GABRG3: variants seen among roughly 807,000 people sequenced by gnomAD.
The protein encoded by GABRG3 is gamma-aminobutyric acid type A receptor subunit gamma3.
Under a neutral mutation model 48.8 loss-of-function variants are expected in GABRG3, and 25 were observed. The observed-to-expected ratio is 0.51, with a 90% confidence interval of 0.37 to 0.72. GABRG3 has a LOEUF of 0.72. Ranked by LOEUF, GABRG3 falls within the 30% of genes least tolerant of loss-of-function variation. The probability of loss-of-function intolerance (pLI) is 0.00; values close to 1 mark genes in which losing one functional copy is unlikely to be tolerated. For missense variants in GABRG3, 394 were observed against 577.9 expected (o/e 0.68, Z 3.26); for synonymous variants, 227 against 217.6 (o/e 1.04, Z -0.38).
At chr15:27,428,640 C>G (rs1465416696) in intron 5 of GABRG3, among the ~76,000 whole-genome samples, 11 of 152,138 alleles carry the variant, frequency 7.2e-5, no homozygotes. Flanking sequence ...GGGGGGTTGT[C>G]CCTCCCAGTT....
At position 27,108,490 on chromosome 15, in the gene GABRG3, G is replaced by T. The variant is rs530494697; in HGVS notation, c.270+81669G>T. Reference sequence around the variant, plus strand: ...ATGGTCTATTAAGATATACATTATGGTCTAGTGCATGGTCTATGCTGCTCA... The same window carrying T: ...ATGGTCTATTAAGATATACATTATGTTCTAGTGCATGGTCTATGCTGCTCA... On this transcript the variant is annotated intron_variant, in intron 3 of 9. Transcript: ENST00000615808. Among the ~76,000 whole-genome samples, 6 of 152,270 alleles carry T rather than the reference G, an allele frequency of 3.9e-5. No homozygotes were observed. In the South Asian group the frequency reaches 1.2e-3, roughly 32 times the overall value.
intron 3 of GABRG3, among the ~76,000 whole-genome samples, chr15:27,250,399 A>ATG (rs1197608460): frequency 6.6e-6 from 1 of 152,192 alleles, no homozygotes; most frequent in African/African-American, 2.4e-5. Context: ...CTAACCAGTC[A>ATG]TGTGTTTTAT....
intron 5 of GABRG3, among the ~76,000 whole-genome samples, chr15:27,349,031 T>C (rs1240387720): frequency 1.3e-5 from 2 of 152,088 alleles, no homozygotes; most frequent in Admixed American, 6.6e-5. Flanking sequence ...TGGTTGTTAT[T>C]AATGGCAGTG....
rs903678765 is a variant in GABRG3 at position 27,457,997 on chromosome 15, A to C, written c.575-22653A>C. ...CCTGTGACCATCTGCTTTTGTCGTG[A>C]ACTCCTTGGACGGTGCAGGAACTAT... On this transcript the variant is annotated intron_variant, in intron 5 of 9. Transcript: ENST00000615808. This position sits in a 1 kb window ranked among gnomAD's most constrained non-coding sequence, Gnocchi z 4.4. 6.6e-6 allele frequency among the ~76,000 whole-genome samples: 1 copy of C among 152,080 alleles called. No homozygotes were observed. Among genetic ancestry groups the C allele is most frequent in the Non-Finnish European group, 1.5e-5 (1 of 67,994 alleles).
intron 3 of GABRG3, among the ~76,000 whole-genome samples, chr15:27,028,154 G>A (rs1896016769): frequency 6.6e-6 from 1 of 152,214 alleles, no homozygotes; most frequent in Non-Finnish European, 1.5e-5. Context: ...GAAGGAGGCC[G>A]AGTGAGTGAC....
chr15:27,353,862 T>C (rs1443107187), intron 5 of GABRG3, among the ~76,000 whole-genome samples: 2 of 152,182 alleles, frequency 1.3e-5, no homozygotes, highest in African/African-American at 4.8e-5. Context: ...GACTCCATTT[T>C]CTCTGAGATG....
At chr15:27,530,126 A>G (rs1263743205) in intron 9 of GABRG3, among the ~76,000 whole-genome samples, 1 of 152,090 alleles carries the variant, frequency 6.6e-6, no homozygotes, top group Non-Finnish European at 1.5e-5. Flanking sequence ...GCAGCCTCTG[A>G]GTAATGAGGG....
At chr15:27,477,116 A>G (rs1454452883) in intron 5 of GABRG3, among the ~76,000 whole-genome samples, 1 of 152,214 alleles carries the variant, frequency 6.6e-6, no homozygotes, top group Non-Finnish European at 1.5e-5. Context: ...TCACATCCAC[A>G]AAAAACTTGC....
At position 26,975,441 on chromosome 15, in the gene GABRG3, TG is replaced by T. The variant is rs1259560432; in HGVS notation, c.54-1557del. Among the ~76,000 whole-genome samples the T allele has an allele frequency of 6.6e-6, 1 of 152,082 alleles. No homozygotes were observed. The highest frequency in any genetic ancestry group is 1.5e-5 in the Non-Finnish European group (1 of 68,012). ...AAGATCAGCCTAGGAAAAACGTAAG[TG>T]GGGAAGTCATTCTTTGAGACATATG... On this transcript the variant is annotated intron_variant, in intron 1 of 9. Transcript: ENST00000615808. The surrounding 1 kb of genome is among the most constrained non-coding windows in gnomAD (Gnocchi z 4.6).
intron 3 of GABRG3, among the ~76,000 whole-genome samples, chr15:27,137,633 G>A (rs1159669487): frequency 3.3e-5 from 5 of 152,068 alleles, no homozygotes; most frequent in South Asian, 2.1e-4. Flanking sequence ...GAGAGAAGTC[G>A]TGTGACCAAC....
At chr15:27,249,677 G>A (rs1203647469) in intron 3 of GABRG3, among the ~76,000 whole-genome samples, 1 of 152,112 alleles carries the variant, frequency 6.6e-6, no homozygotes, top group African/African-American at 2.4e-5. Context: ...CAGAAGGGAT[G>A]AGTGAGTAAA....
At chr15:26,983,357 A>T (rs1895090197) in intron 2 of GABRG3, among the ~76,000 whole-genome samples, 3 of 152,006 alleles carry the variant, frequency 2.0e-5, no homozygotes, top group Admixed American at 6.5e-5. Flanking sequence ...GGCTCTCCAC[A>T]CTTGCGATCT....
intron 3 of GABRG3, among the ~76,000 whole-genome samples, chr15:27,053,984 G>C (rs76645943): frequency 2.7e-4 from 41 of 152,306 alleles, no homozygotes; most frequent in Non-Finnish European, 4.9e-4. Context: ...GGGAGGGGCC[G>C]GGTGTGGCGG....
chr15:27,288,729 A>T (rs1183199761), intron 3 of GABRG3, among the ~76,000 whole-genome samples: 1 of 125,932 alleles, frequency 7.9e-6, no homozygotes, highest in East Asian at 1.9e-4. Context: ...AAAAAAAAAA[A>T]AAATAAGAGG....
chr15:27,196,181 C>T (rs993133293), intron 3 of GABRG3, among the ~76,000 whole-genome samples: 6 of 152,116 alleles, frequency 3.9e-5, no homozygotes, highest in Non-Finnish European at 8.8e-5. Context: ...CCATCCTAGC[C>T]CTGCTTATAC....
In GABRG3 at chr15:27,532,601, A is replaced by T. The variant is rs1485910876; in HGVS notation, c.1124A>T (p.Asn375Ile). The T allele has an allele frequency of 6.2e-7, 1 of 1,613,242 alleles. No individual in the cohort carries two copies. Among genetic ancestry groups the T allele is most frequent in the Non-Finnish European group, 8.5e-7 (1 of 1,179,432 alleles). Residue 375 changes from asparagine (N) to isoleucine (I), a missense_variant and splice_region_variant, in exon 10 of 10, where the codon AAC becomes ATC. Physicochemically the swap from Asn to Ile is moderately radical, Grantham distance 149 (BLOSUM62 -3). Coordinates refer to ENST00000615808, the MANE Select transcript of GABRG3 (RefSeq NM_033223.5). ...PERISLQAPSNYSLLDMRPPP... is the reference protein window; with the variant it reads ...PERISLQAPSIYSLLDMRPPP... ...TTGTGTCATTTTTGTTGCTTGCAGA[A>T]CTATTCCCTCCTGGACATGAGGCCA...
chr15:27,051,682 G>T (rs192822471), intron 3 of GABRG3, among the ~76,000 whole-genome samples: 1 of 152,182 alleles, frequency 6.6e-6, no homozygotes, highest in Admixed American at 6.5e-5. Flanking sequence ...GTTTTTCCAC[G>T]GACCAGGGCT....
chr15:27,052,223 G>A lies in GABRG3; in HGVS notation c.270+25402G>A, dbSNP rs139608034. 6.6e-5 allele frequency among the ~76,000 whole-genome samples: 10 copies of A among 152,278 alleles called. No individual in the cohort carries two copies. The East Asian group carries it at 1.9e-3, about 29-fold the overall frequency. On this transcript the variant is annotated intron_variant, in intron 3 of 9. Transcript: ENST00000615808. ...TCCCACCCCCATGAAATTTCTGGTG[G>A]GGACTGGTCTGTCTTTGTCTCTTGA...
At chr15:27,298,650 A>T (rs989681448) in intron 3 of GABRG3, among the ~76,000 whole-genome samples, 9 of 151,016 alleles carry the variant, frequency 6.0e-5, no homozygotes, top group Admixed American at 1.3e-4. Flanking sequence ...TTTAAGCTTA[A>T]TTTTTAAGTT....
Sources: allele counts gnomAD v4.1 joint callset (sites outside exome capture counted in the v4.1 genomes callset), GRCh38; gene constraint gnomAD v4.1.1; non-coding constraint Gnocchi (gnomAD v3.1); transcripts MANE v1.5; gene names NCBI Gene and HGNC (gene_info 2026-07-23, HGNC 2026-07-21).